CMSS1: variants seen among roughly 807,000 people sequenced by gnomAD.
CMSS1 encodes the protein protein CMSS1.
CMSS1 carries 33 observed loss-of-function variants against 43.5 expected under a neutral mutation model. The observed-to-expected ratio is 0.76, with a 90% CI of 0.57 to 1.01. The LOEUF (loss-of-function observed/expected upper bound fraction) is 1.01, where lower values mean the gene tolerates loss of function less well. Among genes scored for constraint, CMSS1 ranks in the 50% least tolerant of loss-of-function variants. The pLI is 0.00. For synonymous variants in CMSS1, 115 were observed against 117.2 expected, an observed-to-expected ratio of 0.98 and a Z score of 0.12; for missense variants, 313 against 326.4, an observed-to-expected ratio of 0.96 and a Z score of 0.32.
At chr3:100,091,372 A>G (rs1009834186) in intron 1 of CMSS1, among the ~76,000 whole-genome samples, 1 of 152,216 alleles carries the variant, frequency 6.6e-6, no homozygotes, top group Non-Finnish European at 1.5e-5. Flanking sequence ...TTCTTCTTCC[A>G]AAACAAAATG....
intron 1 of CMSS1, among the ~76,000 whole-genome samples, chr3:100,047,437 A>G (rs1051604023): frequency 2.0e-5 from 3 of 152,180 alleles, no homozygotes; most frequent in Admixed American, 6.5e-5. Context: ...TCCAAATTCT[A>G]TGTGTTTAAA....
At chr3:99,962,744 T>G (rs1003863244) in intron 1 of CMSS1, among the ~76,000 whole-genome samples, 81 of 152,182 alleles carry the variant, frequency 5.3e-4, no homozygotes, top group Admixed American at 2.6e-4. Flanking sequence ...ACAGTTAGTT[T>G]AAATAACTTC....
chr3:100,072,210 A>G (rs2065774335), intron 1 of CMSS1, among the ~76,000 whole-genome samples: 1 of 152,222 alleles, frequency 6.6e-6, no homozygotes, highest in Non-Finnish European at 1.5e-5. Context: ...TCATGTGCCA[A>G]AGTCTTTCAG....
At chr3:99,879,215 G>A (rs1705638751) in intron 1 of CMSS1, among the ~76,000 whole-genome samples, 2 of 152,124 alleles carry the variant, frequency 1.3e-5, no homozygotes, top group African/African-American at 2.4e-5. Flanking sequence ...CAAGTTCATT[G>A]CTTTCTAATG....
Position 100,105,986 on chromosome 3 carries a change from T to C in CMSS1, c.65-40987T>C, listed in dbSNP as rs143560106. ...CATAGCTTCTCACCATCAGATGGTG[T>C]GGACAGAAAGTTGTGCCTGGGAGTC... On this transcript the variant is annotated intron_variant, in intron 1 of 9. Transcript: ENST00000421999. Among the ~76,000 whole-genome samples the C allele has an allele frequency of 7.5e-3, 1,148 of 152,282 alleles. 5 individuals carry two copies. Among genetic ancestry groups the C allele is most frequent in the African/African-American group, 0.011 (466 of 41,572 alleles).
At chr3:99,939,946 T>G (rs1266258974) in intron 1 of CMSS1, among the ~76,000 whole-genome samples, 2 of 152,232 alleles carry the variant, frequency 1.3e-5, no homozygotes, top group Non-Finnish European at 2.9e-5. Flanking sequence ...TTGGAAGTGT[T>G]CTTTGGTTTC....
intron 2 of CMSS1, among the ~76,000 whole-genome samples, chr3:100,148,219 T>C (rs1290283334): frequency 6.6e-6 from 1 of 152,034 alleles, no homozygotes; most frequent in East Asian, 1.9e-4. Context: ...GCTGGGACTA[T>C]CGATGTGCAC....
chr3:100,003,478 A>G (rs1414229188), intron 1 of CMSS1, among the ~76,000 whole-genome samples: 3 of 152,192 alleles, frequency 2.0e-5, no homozygotes, highest in East Asian at 3.9e-4. Context: ...ATGCGTTCAC[A>G]TGCATTTTTT....
At chr3:99,864,442 A>C (rs921744258) in intron 1 of CMSS1, among the ~76,000 whole-genome samples, 1 of 152,216 alleles carries the variant, frequency 6.6e-6, no homozygotes, top group Non-Finnish European at 1.5e-5. Context: ...AAACCAAAAA[A>C]CTAAAATTTA....
chr3:100,005,578 CT>C (rs1709963935), intron 1 of CMSS1, among the ~76,000 whole-genome samples: 1 of 152,176 alleles, frequency 6.6e-6, no homozygotes, highest in African/African-American at 2.4e-5. Context: ...CAAGAATAAC[CT>C]TTTAACAAAT....
At chr3:99,967,361 TG>T (rs1217750761) in intron 1 of CMSS1, among the ~76,000 whole-genome samples, 2 of 152,224 alleles carry the variant, frequency 1.3e-5, no homozygotes, top group Non-Finnish European at 2.9e-5. Flanking sequence ...GCACTTTACA[TG>T]CATTGAGAGA....
At chr3:99,875,492 T>C (rs1705465272) in intron 1 of CMSS1, among the ~76,000 whole-genome samples, 1 of 152,224 alleles carries the variant, frequency 6.6e-6, no homozygotes, top group Non-Finnish European at 1.5e-5. Flanking sequence ...TACTTCCTTG[T>C]ACAAATTGAC....
chr3:100,016,442 C>T (rs569612744), intron 1 of CMSS1, among the ~76,000 whole-genome samples: 3 of 152,276 alleles, frequency 2.0e-5, no homozygotes, highest in African/African-American at 4.8e-5. Flanking sequence ...CCACCCACCT[C>T]GGAAAGTGCT....
chr3:99,921,052 A>G (rs559664785), intron 1 of CMSS1, among the ~76,000 whole-genome samples: 7 of 152,034 alleles, frequency 4.6e-5, no homozygotes, highest in Non-Finnish European at 8.8e-5. Context: ...GAGGGTTGCT[A>G]GTTTGGGAGT....
chr3:99,909,935 T>C (rs754342234), intron 1 of CMSS1, among the ~76,000 whole-genome samples: 3 of 138,634 alleles, frequency 2.2e-5, no homozygotes, highest in Non-Finnish European at 5.0e-5. Context: ...ACAAGAGCTG[T>C]TGTCATCTGA....
intron 1 of CMSS1, among the ~76,000 whole-genome samples, chr3:99,909,565 A>G (rs1706726743): frequency 6.6e-6 from 1 of 152,236 alleles, no homozygotes; most frequent in Admixed American, 6.5e-5. Flanking sequence ...TAGGTGAAGC[A>G]GAAACTCTCT....
At chr3:99,853,027 T>C (rs955309975) in intron 1 of CMSS1, among the ~76,000 whole-genome samples, 5 of 152,184 alleles carry the variant, frequency 3.3e-5, no homozygotes, top group Non-Finnish European at 7.3e-5. Flanking sequence ...GATGATCTCA[T>C]CCAAGGTCTT....
At chr3:99,889,142 G>A (rs1427836511) in intron 1 of CMSS1, among the ~76,000 whole-genome samples, 1 of 152,062 alleles carries the variant, frequency 6.6e-6, no homozygotes, top group Non-Finnish European at 1.5e-5. Context: ...GTGTTGTTAA[G>A]ATCTTCTGTA....
intron 1 of CMSS1, among the ~76,000 whole-genome samples, chr3:100,045,484 T>C (rs1460304843): frequency 6.6e-6 from 1 of 152,148 alleles, no homozygotes; most frequent in Non-Finnish European, 1.5e-5. Flanking sequence ...TGTTAGAATT[T>C]TTTTTTTGTA....
Sources: gnomAD v4.1 joint callset for allele counts (sites outside exome capture counted in the v4.1 genomes callset) on GRCh38, gnomAD v4.1.1 for gene constraint, MANE v1.5 for transcripts, NCBI Gene and HGNC (gene_info 2026-07-23, HGNC 2026-07-21) for gene names.